The following SYNDIG1 variants were observed in gnomAD, a reference collection of about 807,000 sequenced individuals.
The protein encoded by SYNDIG1 is synapse differentiation inducing 1.
A neutral mutation model predicts 19.4 loss-of-function variants in SYNDIG1; 9 were observed. The ratio of observed to expected loss-of-function variants is 0.46; its 90% CI spans 0.28 to 0.81. SYNDIG1 has a LOEUF of 0.81. Among genes scored for constraint, SYNDIG1 ranks in the 30% least tolerant of loss-of-function variants. The pLI is 0.12. For synonymous variants in SYNDIG1, 141 were observed against 145.9 expected (o/e 0.97, Z 0.24); for missense variants, 311 against 343.3 (o/e 0.91, Z 0.74).
chr20:24,586,836 T>G (rs1260797834), intron 3 of SYNDIG1, among the ~76,000 whole-genome samples: 1 of 152,200 alleles, frequency 6.6e-6, no homozygotes, highest in Non-Finnish European at 1.5e-5. Flanking sequence ...CAGTCCTTTG[T>G]GGTGTCCGTG....
chr20:24,520,221 A>G (rs1181041490), intron 1 of SYNDIG1, among the ~76,000 whole-genome samples: 1 of 151,188 alleles, frequency 6.6e-6, no homozygotes, highest in Non-Finnish European at 1.5e-5. Context: ...GTGCTTATAT[A>G]TGTTTAATAT....
intron 3 of SYNDIG1, among the ~76,000 whole-genome samples, chr20:24,618,543 G>T (rs529066779): frequency 2.4e-3 from 369 of 152,300 alleles, no homozygotes; most frequent in Non-Finnish European, 3.7e-3. Context: ...ACCCAAAGGG[G>T]TATTCTCCTC....
intron 1 of SYNDIG1, among the ~76,000 whole-genome samples, chr20:24,492,642 C>T (rs1040483486): frequency 6.6e-6 from 1 of 152,164 alleles, no homozygotes; most frequent in African/African-American, 2.4e-5. Flanking sequence ...TCCCCACAAC[C>T]GCCCCCTCCA....
intron 1 of SYNDIG1, among the ~76,000 whole-genome samples, chr20:24,532,201 C>T (rs1244285797): frequency 2.0e-5 from 3 of 152,152 alleles, no homozygotes; most frequent in Admixed American, 6.5e-5. Context: ...TAATTAGCCC[C>T]GTATTACACA....
At chr20:24,582,163 T>C in intron 2 of SYNDIG1, among the ~76,000 whole-genome samples, 2 of 76,850 alleles carry the variant, frequency 2.6e-5, no homozygotes, top group East Asian at 4.2e-4. Flanking sequence ...CCCACTGCAC[T>C]CCCTCCCGAT....
Position 24,476,700 on chromosome 20 carries a change from C to CA in SYNDIG1, c.-79+6956dup, listed in dbSNP as rs931127713. Among the ~76,000 whole-genome samples the CA allele has an allele frequency of 1.0e-3, 155 of 150,646 alleles. 2 individuals carry two copies. Among genetic ancestry groups the CA allele is most frequent in the South Asian group, 2.8e-3 (13 of 4,704 alleles). ...AAAACAAACAAACAAACAAAAAAAA[C>CA]AAAAAAAAACTGTGGATATTAAGTA... On this transcript the variant is annotated intron_variant, in intron 1 of 3. Transcript: ENST00000376862.
At chr20:24,661,458 A>AGAAGGGAGGAAAGAAGGAGGAG (rs2059591573) in intron 3 of SYNDIG1, among the ~76,000 whole-genome samples, 2 of 7,122 alleles carry the variant, frequency 2.8e-4, no homozygotes, top group Non-Finnish European at 5.1e-4. Flanking sequence ...AGAGGGAGGA[A>AGAAGGGAGGAAAGAAGGAGGAG]GTAGGAAGGA....
intron 1 of SYNDIG1, among the ~76,000 whole-genome samples, chr20:24,497,644 A>T (rs1390924465): frequency 6.6e-6 from 1 of 152,216 alleles, no homozygotes; most frequent in Non-Finnish European, 1.5e-5. Flanking sequence ...GTAAGAACAG[A>T]TGGAAAAGGA....
rs576871595 is a variant in SYNDIG1 at position 24,476,668 on chromosome 20, T to TA, written c.-79+6925dup. ...CTGGGTGACAGAGCAAGACTCCAAC[T>TA]AAAAAAAAAACAAACAAACAAACAA... On this transcript the variant is annotated intron_variant, in intron 1 of 3. Transcript: ENST00000376862. Among the ~76,000 whole-genome samples, 1,123 of 141,076 alleles carry TA rather than the reference T, an allele frequency of 8.0e-3. 4 individuals are homozygous for TA. The highest frequency in any genetic ancestry group is 0.032 in the Middle Eastern group (9 of 284). The allele number at this position is 141,076 out of a possible 152,430, so 92.6% of individuals were successfully genotyped here.
intron 3 of SYNDIG1, among the ~76,000 whole-genome samples, chr20:24,646,464 A>G (rs1239141369): frequency 6.6e-6 from 1 of 152,118 alleles, no homozygotes; most frequent in Non-Finnish European, 1.5e-5. Context: ...CTCTGTCTCT[A>G]TTAGCTCCTT....
intron 3 of SYNDIG1, among the ~76,000 whole-genome samples, chr20:24,607,157 C>G (rs142266562): frequency 1.3e-5 from 2 of 151,998 alleles, no homozygotes; most frequent in Non-Finnish European, 2.9e-5. Flanking sequence ...GTCAGGAGTT[C>G]GAGACCAGCC....
At chr20:24,615,214 T>A (rs1005608756) in intron 3 of SYNDIG1, among the ~76,000 whole-genome samples, 31 of 152,354 alleles carry the variant, frequency 2.0e-4, no homozygotes, top group African/African-American at 7.5e-4. Flanking sequence ...TGTGACAGTC[T>A]TCTAACGATC....
intron 3 of SYNDIG1, among the ~76,000 whole-genome samples, chr20:24,621,172 G>A (rs557424602): frequency 1.3e-5 from 2 of 152,360 alleles, no homozygotes; most frequent in South Asian, 2.1e-4. Flanking sequence ...TTTTGTATGT[G>A]TACAAGAAAG....
intron 3 of SYNDIG1, among the ~76,000 whole-genome samples, chr20:24,632,104 G>A (rs1341907111): frequency 6.6e-6 from 1 of 152,202 alleles, no homozygotes; most frequent in Non-Finnish European, 1.5e-5. Flanking sequence ...TCATCTCCCA[G>A]ATGTCTTTCT....
chr20:24,473,532 C>A (rs887647788), intron 1 of SYNDIG1, among the ~76,000 whole-genome samples: 1 of 152,076 alleles, frequency 6.6e-6, no homozygotes, highest in Non-Finnish European at 1.5e-5. Context: ...TGAAGTAACC[C>A]GGGCACCAGC....
At chr20:24,607,360 C>CAA (rs59085965) in intron 3 of SYNDIG1, among the ~76,000 whole-genome samples, 123 of 107,418 alleles carry the variant, frequency 1.1e-3, no homozygotes, top group South Asian at 8.6e-3. Context: ...GACTCCGTCT[C>CAA]AAAAAAAAAA....
At chr20:24,604,854 G>A (rs910577340) in intron 3 of SYNDIG1, among the ~76,000 whole-genome samples, 6 of 152,180 alleles carry the variant, frequency 3.9e-5, no homozygotes, top group African/African-American at 9.6e-5. Flanking sequence ...ACTCCTTTCC[G>A]GTAACACTGG....
chr20:24,569,647 C>A (rs2058108957), intron 2 of SYNDIG1, among the ~76,000 whole-genome samples: 1 of 152,128 alleles, frequency 6.6e-6, no homozygotes, highest in African/African-American at 2.4e-5. Flanking sequence ...AAACCAAAAA[C>A]CCCAGCTTTC....
In SYNDIG1 at chr20:24,619,477, A is replaced by G. The variant is rs552295858; in HGVS notation, c.618+34484A>G. ...TACTTCAGTCTTGTTTCACTTCTCAATATTTGCAAAGTGATAAGAGAGACA... is the reference window on the plus strand; with the variant it reads ...TACTTCAGTCTTGTTTCACTTCTCAGTATTTGCAAAGTGATAAGAGAGACA... On this transcript the variant is annotated intron_variant, in intron 3 of 3. Coordinates refer to ENST00000376862, the MANE Select transcript of SYNDIG1 (RefSeq NM_024893.3). Among the ~76,000 whole-genome samples, 12 of 152,314 alleles carry G rather than the reference A, an allele frequency of 7.9e-5. No homozygotes were observed. In the East Asian group the frequency reaches 1.7e-3, roughly 22 times the overall value.
Sources: allele counts gnomAD v4.1 joint callset (sites outside exome capture counted in the v4.1 genomes callset), GRCh38; gene constraint gnomAD v4.1.1; transcripts MANE v1.5; gene names NCBI Gene and HGNC (gene_info 2026-07-23, HGNC 2026-07-21).